Variants in RGS6 observed in about 807,000 individuals in gnomAD.
RGS6 encodes regulator of G protein signaling 6.
A neutral mutation model predicts 78.5 loss-of-function variants in RGS6; 30 were observed. That is an observed-to-expected ratio of 0.38 (90% CI 0.29 to 0.52). RGS6 has a LOEUF of 0.52. Ranked by LOEUF, RGS6 falls within the 20% of genes least tolerant of loss-of-function variation. The pLI, the probability that RGS6 is intolerant of heterozygous loss-of-function variation, is 0.85. For missense variants in RGS6, 495 were observed against 609.7 expected (o/e 0.81, Z 1.98); for synonymous variants, 206 against 206.0 (o/e 1.00, Z 0.00).
intron 2 of RGS6, among the ~76,000 whole-genome samples, chr14:72,107,446 C>T (rs1478455954): frequency 1.3e-5 from 2 of 152,016 alleles, no homozygotes; most frequent in Non-Finnish European, 2.9e-5. Flanking sequence ...TATTTCCTGC[C>T]CCAGACCAAG....
At position 71,964,848 on chromosome 14, in the gene RGS6, T is replaced by A; in HGVS notation, c.57T>A (p.Ser19Arg). The part of the protein sequence containing the change: ...RAVGVADPEE[S>R]SPNMIVYCKI... ...TGGGGGTTGCTGACCCAGAGGAGAG[T>A]TCTCCAAACATGATCGTTTACTGCA... Residue 19 changes from serine to arginine, a missense_variant, in exon 2 of 18, where the codon AGT (serine) becomes AGA (arginine). Coordinates refer to ENST00000553525, the MANE Select transcript of RGS6 (RefSeq NM_001204424.2). The A allele has an allele frequency of 2.5e-6, 4 of 1,613,602 alleles. No individual in the cohort carries two copies. The highest frequency in any genetic ancestry group is 3.4e-6 in the Non-Finnish European group (4 of 1,179,846).
intron 2 of RGS6, among the ~76,000 whole-genome samples, chr14:72,204,671 G>T (rs569143531): frequency 6.6e-6 from 1 of 152,230 alleles, no homozygotes; most frequent in Admixed American, 6.5e-5. Context: ...AGGGGCAAGG[G>T]GTCTCTCTCA....
At chr14:72,353,147 A>C (rs970854525) in intron 3 of RGS6, among the ~76,000 whole-genome samples, 5 of 152,198 alleles carry the variant, frequency 3.3e-5, no homozygotes, top group Non-Finnish European at 5.9e-5. Flanking sequence ...AGTTTCTTAC[A>C]CAGTTAAGCA....
chr14:72,491,827 A>G (rs1361497918), intron 12 of RGS6, among the ~76,000 whole-genome samples: 2 of 152,184 alleles, frequency 1.3e-5, no homozygotes, highest in Non-Finnish European at 1.5e-5. Context: ...ACTAGGGACC[A>G]TGGAAAGCAG....
chr14:71,912,160 C>T, the RGS6 span, among the ~76,000 whole-genome samples: 3,951 of 152,116 alleles, frequency 0.026, 190 homozygotes, highest in African/African-American at 0.09. Context: ...AAAGTGGCAA[C>T]GAGAGAAGGA....
At chr14:72,456,598 T>C (rs191963465) in intron 4 of RGS6, among the ~76,000 whole-genome samples, 2 of 152,208 alleles carry the variant, frequency 1.3e-5, no homozygotes, top group East Asian at 1.9e-4. Context: ...CCTGGCCCCA[T>C]TGGCCAACGT....
chr14:72,254,107 C>T (rs2056515508), intron 2 of RGS6, among the ~76,000 whole-genome samples: 2 of 152,170 alleles, frequency 1.3e-5, no homozygotes. Flanking sequence ...AATATTTTAC[C>T]AATAGATCAG....
the RGS6 span, among the ~76,000 whole-genome samples, chr14:71,924,783 T>C: frequency 6.6e-6 from 1 of 152,268 alleles, no homozygotes; most frequent in East Asian, 1.9e-4. Flanking sequence ...TCTATGTATC[T>C]AAATCTACAT....
intron 2 of RGS6, among the ~76,000 whole-genome samples, chr14:72,008,521 A>G (rs1481848749): frequency 1.1e-5 from 1 of 86,984 alleles, no homozygotes. Flanking sequence ...CCCACATTGT[A>G]CTAGGGTTGG....
At chr14:72,476,953 G>A in intron 11 of RGS6, 113 bp downstream of exon 11, 1 of 879,370 alleles carries the variant, frequency 1.1e-6, no homozygotes, top group Non-Finnish European at 1.8e-6. Flanking sequence ...AAACCACAGT[G>A]GAACCCAGCT....
At chr14:72,096,880 G>T (rs1176084183) in intron 2 of RGS6, among the ~76,000 whole-genome samples, 2 of 152,186 alleles carry the variant, frequency 1.3e-5, no homozygotes, top group Non-Finnish European at 2.9e-5. Context: ...ACCAACTTTG[G>T]AGACAAACAA....
chr14:72,066,075 G>C lies in RGS6; in HGVS notation c.84+101200G>C, dbSNP rs1321716623. On this transcript the variant is annotated intron_variant, in intron 2 of 17. Transcript: ENST00000553525. ...TCTGAGATCAGTGTGTACTGCAAAT[G>C]TTTGGGAAGATATCTTCTTTCTGTG... is the stretch of plus-strand genomic sequence containing the variant. Among the ~76,000 whole-genome samples the C allele has an allele frequency of 2.0e-5, 3 of 152,128 alleles. No individual in the cohort carries two copies. In the East Asian group the frequency reaches 5.8e-4, roughly 29 times the overall value.
intron 5 of RGS6, among the ~76,000 whole-genome samples, chr14:72,458,590 G>A (rs1312095749): frequency 6.6e-6 from 1 of 152,166 alleles, no homozygotes; most frequent in Admixed American, 6.5e-5. Context: ...CCATGCCCTG[G>A]GCACTGCCTT....
chr14:72,434,068 A>G (rs1308091601), intron 3 of RGS6, among the ~76,000 whole-genome samples: 1 of 152,242 alleles, frequency 6.6e-6, no homozygotes, highest in Non-Finnish European at 1.5e-5. Context: ...GGGCACAGTG[A>G]CTGACATCTG....
chr14:71,987,712 G>A (rs1388590611), intron 2 of RGS6, among the ~76,000 whole-genome samples: 1 of 151,880 alleles, frequency 6.6e-6, no homozygotes, highest in African/African-American at 2.4e-5. Context: ...GTAGAGACAG[G>A]GTCTCACTGT....
Position 71,964,827 on chromosome 14 carries a change from G to A in RGS6, c.36G>A (p.Gly12=), listed in dbSNP as rs765503463. ...GATCCGGGGATCAAAGAGCAGTGGG[G>A]GTTGCTGACCCAGAGGAGAGTTCTC... ...AQGSGDQRAV[G]VADPEESSPN... Residue 12 remains glycine (G), a synonymous_variant, in exon 2 of 18, where the codon GGG becomes GGA. Transcript: ENST00000553525. 2 of 1,613,754 alleles carry A rather than the reference G, an allele frequency of 1.2e-6. No individual in the cohort carries two copies. Among genetic ancestry groups the A allele is most frequent in the Non-Finnish European group, 8.5e-7 (1 of 1,179,902 alleles).
At chr14:71,971,286 A>C (rs2093788164) in intron 2 of RGS6, among the ~76,000 whole-genome samples, 1 of 152,140 alleles carries the variant, frequency 6.6e-6, no homozygotes. Context: ...TTGGTTAGTA[A>C]AAGTCTGGAA....
Position 72,563,152 on chromosome 14 carries a change from C to T in RGS6, c.*685C>T, listed in dbSNP as rs1281568545. The T allele has an allele frequency of 3.8e-6, 1 of 264,578 alleles. No homozygotes were observed. Among genetic ancestry groups the T allele is most frequent in the African/African-American group, 2.2e-5 (1 of 46,410 alleles). The allele number at this position is 264,578 out of a possible 1,614,324, so 16.4% of individuals were successfully genotyped here. Reference sequence around the variant, plus strand: ...GCCAGCCCGGTGGCTGCCCTCAGGTCCCGTCACATGTCTCAAGGGTCCAGC... The same window carrying T: ...GCCAGCCCGGTGGCTGCCCTCAGGTTCCGTCACATGTCTCAAGGGTCCAGC... On this transcript the variant is annotated 3_prime_UTR_variant, in exon 18 of 18. Coordinates refer to ENST00000553525, the MANE Select transcript of RGS6 (RefSeq NM_001204424.2).
At chr14:72,287,921 C>T (rs2062879467) in intron 2 of RGS6, among the ~76,000 whole-genome samples, 2 of 152,212 alleles carry the variant, frequency 1.3e-5, no homozygotes, top group African/African-American at 2.4e-5. Context: ...GTCAAACTAT[C>T]ATCAGATCCC....
Sources: allele counts gnomAD v4.1 joint callset (sites outside exome capture counted in the v4.1 genomes callset), GRCh38; gene constraint gnomAD v4.1.1; transcripts MANE v1.5; gene names NCBI Gene and HGNC (gene_info 2026-07-23, HGNC 2026-07-21).